PTPRD: variants seen among roughly 807,000 people sequenced by gnomAD.
PTPRD encodes protein tyrosine phosphatase receptor type D.
In PTPRD, 34 loss-of-function variants were observed where a neutral mutation model predicts 214.5. That is an observed-to-expected ratio of 0.16 (90% CI 0.12 to 0.21). The LOEUF is 0.21. Among genes scored for constraint, PTPRD ranks in the 10% least tolerant of loss-of-function variants. PTPRD has a pLI of 1.00. For missense variants in PTPRD, 2,545 were observed against 2,398.7 expected (o/e 1.06, Z -1.27); for synonymous variants, 1,128 against 845.7 (o/e 1.33, Z -5.79).
At chr9:8,565,148 G>A (rs12235202) in intron 14 of PTPRD, among the ~76,000 whole-genome samples, 4,000 of 152,186 alleles carry the variant, frequency 0.026, 73 homozygotes, top group East Asian at 0.084. Flanking sequence ...CAAGCTAACC[G>A]CAGTGGTTTT....
intron 4 of PTPRD, among the ~76,000 whole-genome samples, chr9:9,965,036 G>A (rs146341403): frequency 6.6e-6 from 1 of 152,246 alleles, no homozygotes; most frequent in African/African-American, 2.4e-5. Flanking sequence ...TTTCAACAAT[G>A]TGTAATAAAT....
chr9:10,016,865 A>G lies in PTPRD; in HGVS notation c.-472+16853T>C, dbSNP rs1429280956. On this transcript the variant is annotated intron_variant, in intron 4 of 45. Transcript: ENST00000381196. ...TTTTTTGTAGAGACAGGGTCTCGCTATGTTTCCCAAGCTGGTCTCAAAATC... is the reference window on the plus strand; with the variant it reads ...TTTTTTGTAGAGACAGGGTCTCGCTGTGTTTCCCAAGCTGGTCTCAAAATC... Among the ~76,000 whole-genome samples the G allele has an allele frequency of 2.4e-4, 36 of 152,008 alleles. 2 individuals are homozygous for G. The highest frequency in any genetic ancestry group is 2.3e-3 in the Admixed American group (35 of 15,246).
intron 5 of PTPRD, among the ~76,000 whole-genome samples, chr9:9,912,809 T>C (rs538810698): frequency 6.6e-6 from 1 of 152,338 alleles, no homozygotes; most frequent in South Asian, 2.1e-4. Flanking sequence ...ACAAATGTGA[T>C]TCAATAGCAC....
chr9:9,287,381 C>A (rs1949833802), intron 9 of PTPRD, among the ~76,000 whole-genome samples: 1 of 151,818 alleles, frequency 6.6e-6, no homozygotes, highest in Non-Finnish European at 1.5e-5. Context: ...TTAATATAAT[C>A]AGTACTATAA....
intron 2 of PTPRD, among the ~76,000 whole-genome samples, chr9:10,392,312 A>G (rs1407595836): frequency 6.6e-6 from 1 of 151,982 alleles, no homozygotes; most frequent in East Asian, 1.9e-4. Context: ...TGAATCATAT[A>G]AAACTTCTTT....
At chr9:10,119,173 T>C (rs1007703906) in intron 3 of PTPRD, among the ~76,000 whole-genome samples, 2 of 151,994 alleles carry the variant, frequency 1.3e-5, no homozygotes, top group African/African-American at 4.8e-5. Flanking sequence ...CTACTATTCA[T>C]TGAGGTGATT....
chr9:8,405,051 C>T (rs1244316211), intron 35 of PTPRD, among the ~76,000 whole-genome samples: 2 of 152,152 alleles, frequency 1.3e-5, no homozygotes, highest in Non-Finnish European at 2.9e-5. Context: ...TCTTTCCTAT[C>T]TGGACCTAAG....
At chr9:9,808,998 C>G (rs914476900) in intron 5 of PTPRD, among the ~76,000 whole-genome samples, 2 of 149,630 alleles carry the variant, frequency 1.3e-5, no homozygotes, top group African/African-American at 4.9e-5. Context: ...GTTGCCCAGG[C>G]TAGTCTCAAA....
chr9:8,506,230 T>C (rs2097540382), intron 22 of PTPRD, among the ~76,000 whole-genome samples: 1 of 152,212 alleles, frequency 6.6e-6, no homozygotes, highest in South Asian at 2.1e-4. Context: ...ACACAGGGAC[T>C]GTTTCACTTT....
At chr9:10,308,343 C>A (rs987626090) in intron 3 of PTPRD, among the ~76,000 whole-genome samples, 6 of 152,118 alleles carry the variant, frequency 3.9e-5, no homozygotes, top group Non-Finnish European at 4.4e-5. Context: ...TATATATTCT[C>A]AGTATCTTTG....
chr9:9,383,335 C>A (rs1008784008), intron 9 of PTPRD, among the ~76,000 whole-genome samples: 4 of 152,066 alleles, frequency 2.6e-5, no homozygotes, highest in African/African-American at 7.2e-5. Context: ...AATTTTATTT[C>A]TGAGTACAAA....
At chr9:8,469,172 C>T (rs867028977) in intron 31 of PTPRD, among the ~76,000 whole-genome samples, 4 of 152,088 alleles carry the variant, frequency 2.6e-5, no homozygotes, top group South Asian at 2.1e-4. Context: ...GAATCAGCAG[C>T]GGAGACCCAC....
intron 7 of PTPRD, among the ~76,000 whole-genome samples, chr9:9,642,099 G>C (rs1370860731): frequency 6.7e-6 from 1 of 148,246 alleles, no homozygotes; most frequent in East Asian, 2.0e-4. Flanking sequence ...AAAATGATGA[G>C]TTCATATCCT....
At chr9:9,254,100 A>C (rs2131726880) in intron 9 of PTPRD, among the ~76,000 whole-genome samples, 1 of 152,202 alleles carries the variant, frequency 6.6e-6, no homozygotes, top group East Asian at 1.9e-4. Context: ...TCCTTCTCTC[A>C]ACATATTTGA....
intron 35 of PTPRD, among the ~76,000 whole-genome samples, chr9:8,409,765 CAA>C (rs2093360970): frequency 6.6e-6 from 1 of 152,072 alleles, no homozygotes; most frequent in Non-Finnish European, 1.5e-5. Flanking sequence ...AGAAACTCAT[CAA>C]AGAGAAACCA....
At chr9:9,964,421 C>G (rs1414472750) in intron 4 of PTPRD, among the ~76,000 whole-genome samples, 2 of 152,034 alleles carry the variant, frequency 1.3e-5, no homozygotes, top group Non-Finnish European at 2.9e-5. Flanking sequence ...GTTTTCTTTC[C>G]GTATAATTCC....
At chr9:8,973,013 A>G (rs927230910) in intron 11 of PTPRD, among the ~76,000 whole-genome samples, 1 of 151,548 alleles carries the variant, frequency 6.6e-6, no homozygotes, top group Admixed American at 6.6e-5. Context: ...CCAGGGAGAA[A>G]AAAAAAAAAC....
chr9:10,267,837 A>G (rs2094167626), intron 3 of PTPRD, among the ~76,000 whole-genome samples: 3 of 152,202 alleles, frequency 2.0e-5, no homozygotes, highest in Admixed American at 1.3e-4. Context: ...AAATTTTGGA[A>G]TAGTTTCTAT....
chr9:8,735,900 GAC>G lies in PTPRD; in HGVS notation c.-103-1956_-103-1955del, dbSNP rs1434885173. On this transcript the variant is annotated intron_variant, in intron 11 of 45. Transcript: ENST00000381196. ...GCACTCCAGTCTGGGTGACAAGTGAGACTTCGTCTCAAAAAAAAAAAAAAAAA... is the reference window on the plus strand; with the variant it reads ...GCACTCCAGTCTGGGTGACAAGTGAGTTCGTCTCAAAAAAAAAAAAAAAAA... Among the ~76,000 whole-genome samples the G allele has an allele frequency of 6.9e-5, 7 of 101,332 alleles. 1 individual carries two copies. The East Asian group carries it at 2.1e-3, about 30-fold the overall frequency. The allele number at this position is 101,332 out of a possible 152,430, so 66.5% of individuals were successfully genotyped here. A position where few individuals can be genotyped will look rare whatever the true frequency, so the allele number is the denominator to read the frequency against.
Sources: allele counts gnomAD v4.1 joint callset (sites outside exome capture counted in the v4.1 genomes callset), GRCh38; gene constraint gnomAD v4.1.1; transcripts MANE v1.5; gene names NCBI Gene and HGNC (gene_info 2026-07-23, HGNC 2026-07-21).